GASK1A: variants seen among roughly 807,000 people sequenced by gnomAD.
GASK1A encodes golgi associated kinase 1A.
In GASK1A, 40 loss-of-function variants were observed where a neutral mutation model predicts 41.2. That is an observed-to-expected ratio of 0.97 (90% CI 0.75 to 1.27). The LOEUF (loss-of-function observed/expected upper bound fraction) is 1.27. Ranked by LOEUF, GASK1A falls within the 50% of genes most tolerant of loss-of-function variation. The pLI, the probability that GASK1A is intolerant of heterozygous loss-of-function variation, is 0.00. For missense variants in GASK1A, 678 were observed against 745.1 expected (o/e 0.91, Z 1.05); for synonymous variants, 316 against 307.1 (o/e 1.03, Z -0.30).
chr3:43,003,654 G>A (rs984430502), intron 1 of GASK1A, among the ~76,000 whole-genome samples: 1 of 152,106 alleles, frequency 6.6e-6, no homozygotes, highest in Non-Finnish European at 1.5e-5. Context: ...ACTTCAGTGG[G>A]TATACTAGAC....
rs938378646 is a variant in GASK1A, at chr3:43,057,402, T to G, written c.*1016T>G. 2 of 152,214 alleles carry G rather than the reference T, an allele frequency of 1.3e-5. No individual in the cohort carries two copies. The highest frequency in any genetic ancestry group is 4.8e-5 in the African/African-American group (2 of 41,448). 9.4% of individuals were successfully genotyped at this position (152,214 alleles called of 1,614,324 possible). ...TGCTCTCTGAAATGGTGGTGTCAAT[T>G]TACATTTCTCCCAAGAGGGTAGGAG... On this transcript the variant is annotated 3_prime_UTR_variant, in exon 5 of 5. Coordinates refer to ENST00000430121, the MANE Select transcript of GASK1A (RefSeq NM_001129908.3).
intron 1 of GASK1A, among the ~76,000 whole-genome samples, chr3:43,004,067 C>T (rs935272810): frequency 1.3e-5 from 2 of 152,206 alleles, no homozygotes; most frequent in Non-Finnish European, 2.9e-5. Flanking sequence ...AGCCTGGATT[C>T]TAACTGTTAT....
At chr3:43,047,978 A>T (rs911550557) in intron 2 of GASK1A, among the ~76,000 whole-genome samples, 2 of 152,218 alleles carry the variant, frequency 1.3e-5, no homozygotes, top group African/African-American at 4.8e-5. Flanking sequence ...ACATAACCTA[A>T]AATTGGCAGG....
chr3:43,033,454 C>G lies in GASK1A; in HGVS notation c.1191C>G (p.Ala397=). The part of the protein sequence containing the change: ...SLALGWLQYQ[A]LLAHSCNWPG... ...CCTTGGGCTGGCTGCAGTATCAGGC[C>G]CTGCTGGCACACAGCTGCAACTGGC... Residue 397 remains alanine, a synonymous_variant, in exon 2 of 5, where the codon GCC becomes GCG. Coordinates refer to ENST00000430121, the MANE Select transcript of GASK1A (RefSeq NM_001129908.3). The G allele has an allele frequency of 6.4e-7, 1 of 1,551,208 alleles. No homozygotes were observed. Among genetic ancestry groups the G allele is most frequent in the Non-Finnish European group, 8.7e-7 (1 of 1,146,988 alleles).
At chr3:43,042,820 G>T (rs1365311921) in intron 2 of GASK1A, among the ~76,000 whole-genome samples, 1 of 152,188 alleles carries the variant, frequency 6.6e-6, no homozygotes, top group African/African-American at 2.4e-5. Context: ...TCCGAAGATG[G>T]TGCTGAGGCT....
chr3:43,016,862 G>A lies in GASK1A; in HGVS notation c.4-15405G>A, dbSNP rs189344531. Among the ~76,000 whole-genome samples the A allele has an allele frequency of 5.9e-4, 89 of 151,808 alleles. No individual in the cohort carries two copies. In the East Asian group the frequency reaches 0.014, roughly 24 times the overall value. ...GGGCTATGTGAAGCCACAGGAATGG[G>A]CAGTGGGAAGTCACAGGAAGGTGCA... is the stretch of plus-strand genomic sequence containing the variant. On this transcript the variant is annotated intron_variant, in intron 1 of 4. Transcript: ENST00000430121.
At chr3:43,054,525 C>G (rs1299261838) in intron 3 of GASK1A, among the ~76,000 whole-genome samples, 1 of 152,058 alleles carries the variant, frequency 6.6e-6, no homozygotes, top group Non-Finnish European at 1.5e-5. Flanking sequence ...AAAGGTGATC[C>G]TGACATGTGG....
chr3:43,055,456 C>T lies in GASK1A; in HGVS notation c.1438C>T (p.Leu480=), dbSNP rs1338414717. 1.9e-6 allele frequency: 3 copies of T among 1,551,656 alleles called. No individual in the cohort carries two copies. In the Admixed American group the frequency reaches 5.9e-5, roughly 30 times the overall value. The change falls in exon 4 of 5, where the codon CTG becomes TTG. Residue 480 remains leucine (L), a synonymous_variant. Coordinates refer to ENST00000430121, the MANE Select transcript of GASK1A (RefSeq NM_001129908.3). ...GGTCCGGAGCAGCGATCCATCTCAC[C>T]TGGTCTACATCGATAACGCTGGCAA... The part of the protein sequence containing the change: ...ILVRSSDPSH[L]VYIDNAGNLQ...
chr3:43,005,200 C>T (rs150511987), intron 1 of GASK1A, among the ~76,000 whole-genome samples: 84 of 152,300 alleles, frequency 5.5e-4, no homozygotes, highest in African/African-American at 1.8e-3. Context: ...ATCACACCGT[C>T]CGAATCCCTC....
At chr3:43,035,446 A>C (rs2089599672) in intron 2 of GASK1A, among the ~76,000 whole-genome samples, 1 of 152,206 alleles carries the variant, frequency 6.6e-6, no homozygotes, top group South Asian at 2.1e-4. Flanking sequence ...AGCAGCCTGC[A>C]ACTGTGACTG....
At chr3:43,023,584 T>C (rs2089532257) in intron 1 of GASK1A, among the ~76,000 whole-genome samples, 1 of 152,250 alleles carries the variant, frequency 6.6e-6, no homozygotes, top group African/African-American at 2.4e-5. Context: ...TGCCCTGATT[T>C]ATTTGGTATA....
chr3:43,002,112 T>C (rs1290164943), intron 1 of GASK1A, among the ~76,000 whole-genome samples: 1 of 152,206 alleles, frequency 6.6e-6, no homozygotes, highest in Admixed American at 6.5e-5. Flanking sequence ...TGGAGCCAGG[T>C]AGGTCCGCAT....
chr3:42,994,330 A>G (rs1478004851), intron 1 of GASK1A, among the ~76,000 whole-genome samples: 1 of 152,112 alleles, frequency 6.6e-6, no homozygotes, highest in Non-Finnish European at 1.5e-5. Context: ...GGACAACACC[A>G]GGGGAGGCAT....
chr3:42,979,486 G>T lies in GASK1A; in HGVS notation c.-157G>T, dbSNP rs1214923035. ...GCAGGGCCACTTGGCTGCAGAGAACGTGTGCACCTTCAGTCCGGGAAACCC... is the reference window on the plus strand; with the variant it reads ...GCAGGGCCACTTGGCTGCAGAGAACTTGTGCACCTTCAGTCCGGGAAACCC... On this transcript the variant is annotated 5_prime_UTR_variant, in exon 1 of 5. Coordinates refer to ENST00000430121, the MANE Select transcript of GASK1A (RefSeq NM_001129908.3). 2 of 716,478 alleles carry T rather than the reference G, an allele frequency of 2.8e-6. No homozygotes were observed. The highest frequency in any genetic ancestry group is 7.2e-5 in the South Asian group (1 of 13,984). 44.4% of individuals were successfully genotyped at this position (716,478 alleles called of 1,614,324 possible).
At chr3:43,040,885 C>CCA (rs1553616003) in intron 2 of GASK1A, among the ~76,000 whole-genome samples, 1 of 131,302 alleles carries the variant, frequency 7.6e-6, no homozygotes, top group Middle Eastern at 3.4e-3. Flanking sequence ...CTCCCCCCCG[C>CCA]CACAACAGTC....
chr3:43,015,638 G>T (rs1407266911), intron 1 of GASK1A, among the ~76,000 whole-genome samples: 1 of 152,100 alleles, frequency 6.6e-6, no homozygotes, highest in Non-Finnish European at 1.5e-5. Context: ...CACTGAAAGG[G>T]GCTGTGTGAA....
chr3:42,981,667 G>T (rs1482674988), intron 1 of GASK1A, among the ~76,000 whole-genome samples: 19 of 152,094 alleles, frequency 1.2e-4, no homozygotes, highest in Admixed American at 1.2e-3. Context: ...TGCTGCCAGG[G>T]CTGAGAACCA....
intron 1 of GASK1A, among the ~76,000 whole-genome samples, chr3:43,018,963 C>T (rs1178420239): frequency 1.3e-5 from 2 of 152,132 alleles, no homozygotes; most frequent in Non-Finnish European, 2.9e-5. Context: ...TGGTGCTGCC[C>T]TTGTCAGCAG....
intron 1 of GASK1A, among the ~76,000 whole-genome samples, chr3:42,999,027 G>A (rs1210578559): frequency 1.3e-5 from 2 of 151,938 alleles, no homozygotes; most frequent in Non-Finnish European, 2.9e-5. Flanking sequence ...GTACATATCA[G>A]TGTGTATAGC....
Sources: allele counts gnomAD v4.1 joint callset (sites outside exome capture counted in the v4.1 genomes callset), GRCh38; gene constraint gnomAD v4.1.1; transcripts MANE v1.5; gene names NCBI Gene and HGNC (gene_info 2026-07-23, HGNC 2026-07-21).